Variants in VPS13B observed in about 807,000 individuals in gnomAD.
VPS13B encodes intermembrane lipid transfer protein VPS13B.
In VPS13B, 285 loss-of-function variants were observed where a neutral mutation model predicts 426.4. That is an observed-to-expected ratio of 0.67 (90% confidence interval 0.61 to 0.74). The LOEUF (loss-of-function observed/expected upper bound fraction) is 0.74, where lower values mean the gene tolerates loss of function less well. VPS13B is among the 30% of genes least tolerant of loss of function. VPS13B has a pLI of 0.00. For missense variants in VPS13B, 4,537 were observed against 4,782.6 expected (o/e 0.95, Z 1.51); for synonymous variants, 1,676 against 1,676.4 (o/e 1.00, Z 0.01).
At chr8:99,085,003 T>C (rs1845695205) in intron 3 of VPS13B, among the ~76,000 whole-genome samples, 2 of 48,330 alleles carry the variant, frequency 4.1e-5, no homozygotes, top group Admixed American at 2.5e-4. Flanking sequence ...AATTCCTGGA[T>C]ATCCTTGTTA....
In VPS13B at chr8:99,868,365, C is replaced by T. The variant is rs1318635834; in HGVS notation, c.11292C>T (p.His3764=). Residue 3764 remains histidine (H), a synonymous_variant, in exon 59 of 62, where the codon CAC becomes CAT. Coordinates refer to ENST00000357162, the MANE Select transcript of VPS13B (RefSeq NM_152564.5). ...KTSEAQASAG[H]KAKGVISGVG... The stretch of plus-strand genomic sequence containing the variant: ...CTGAGGCACAGGCTTCAGCAGGACA[C>T]AAGGCCAAGGGTGTCATCTCGGGTG... 1.2e-6 allele frequency: 2 copies of T among 1,613,990 alleles called. No homozygotes were observed. The highest frequency in any genetic ancestry group is 1.1e-5 in the South Asian group (1 of 91,068).
chr8:99,548,919 T>C (rs1057072351), intron 30 of VPS13B, among the ~76,000 whole-genome samples: 10 of 152,054 alleles, frequency 6.6e-5, no homozygotes, highest in Non-Finnish European at 4.4e-5. Context: ...AACTTGTAAA[T>C]TTTATACATA....
chr8:99,706,281 C>T (rs1285133829), intron 36 of VPS13B, among the ~76,000 whole-genome samples: 1 of 152,056 alleles, frequency 6.6e-6, no homozygotes, highest in Non-Finnish European at 1.5e-5. Context: ...TCCCAGCAGC[C>T]GGGGTAGCTG....
chr8:99,859,333 G>T lies in VPS13B; in HGVS notation c.10897G>T (p.Gly3633Cys), dbSNP rs759646091. The change falls in exon 57 of 62, where the codon GGC (glycine) becomes TGC (cysteine). Residue 3633 changes from glycine (G) to cysteine (C), a missense_variant. By Grantham distance (159) the Gly-to-Cys change is radical. Coordinates refer to ENST00000357162, the MANE Select transcript of VPS13B (RefSeq NM_152564.5). ...GWVVGSLDIL[G>C]SPASLVRSIG... ...GGTAGTTGGGTCTCTGGATATTCTT[G>T]GCAGCCCTGCAAGCCTGGTGAGAAG... 6.2e-7 allele frequency: 1 copy of T among 1,613,668 alleles called. No homozygotes were observed. The highest frequency in any genetic ancestry group is 1.3e-5 in the African/African-American group (1 of 74,872).
intron 39 of VPS13B, among the ~76,000 whole-genome samples, chr8:99,763,898 C>T (rs1423307153): frequency 6.6e-6 from 1 of 152,176 alleles, no homozygotes; most frequent in African/African-American, 2.4e-5. Flanking sequence ...CTTACAGCAT[C>T]TCATCATATA....
At chr8:99,262,945 T>A (rs1315160981) in intron 17 of VPS13B, among the ~76,000 whole-genome samples, 2 of 152,098 alleles carry the variant, frequency 1.3e-5, no homozygotes, top group East Asian at 1.9e-4. Context: ...GCTAATTTTT[T>A]ATTTTTTTTT....
intron 28 of VPS13B, chr8:99,507,711 T>C: frequency 5.0e-6 from 8 of 1,611,936 alleles, no homozygotes; most frequent in Non-Finnish European, 6.8e-6. Flanking sequence ...ATTTTTTTGC[T>C]TATGGCTTTT....
intron 25 of VPS13B, among the ~76,000 whole-genome samples, chr8:99,491,860 T>G (rs1463923486): frequency 6.6e-6 from 1 of 152,222 alleles, no homozygotes; most frequent in Non-Finnish European, 1.5e-5. Context: ...GAAGCCTACT[T>G]CTGTCAATTC....
At chr8:99,440,135 G>A (rs568923972) in intron 22 of VPS13B, among the ~76,000 whole-genome samples, 15 of 152,268 alleles carry the variant, frequency 9.9e-5, no homozygotes, top group African/African-American at 3.6e-4. Flanking sequence ...ATTGGCAAAA[G>A]AACACGTTGC....
At chr8:99,358,531 A>G (rs1025464966) in intron 19 of VPS13B, among the ~76,000 whole-genome samples, 1 of 152,224 alleles carries the variant, frequency 6.6e-6, no homozygotes, top group African/African-American at 2.4e-5. Flanking sequence ...GTCAACACAA[A>G]CCAAATATTT....
rs1227316936 is a variant in VPS13B at position 99,507,830 on chromosome 8, C to T, written c.4224+627C>T. 5 of 1,613,952 alleles carry T rather than the reference C, an allele frequency of 3.1e-6. No homozygotes were observed. Among genetic ancestry groups the T allele is most frequent in the Non-Finnish European group, 4.2e-6 (5 of 1,179,988 alleles). On this transcript the variant is annotated intron_variant, in intron 28 of 61. Coordinates refer to ENST00000357162, the MANE Select transcript of VPS13B (RefSeq NM_152564.5). ...GAGGTGTCTTCCTTTCCTGTACTGACAAGCTGAACAGACGCACCTTGTTGG... is the reference window on the plus strand; with the variant it reads ...GAGGTGTCTTCCTTTCCTGTACTGATAAGCTGAACAGACGCACCTTGTTGG...
rs1381350272 is a variant in VPS13B, at chr8:99,742,311, T to C, written c.7050+21264T>C. Among the ~76,000 whole-genome samples, 3 of 152,138 alleles carry C rather than the reference T, an allele frequency of 2.0e-5. No individual in the cohort carries two copies. In the East Asian group the frequency reaches 5.8e-4, roughly 29 times the overall value. On this transcript the variant is annotated intron_variant, in intron 39 of 61. Transcript: ENST00000357162. ...ATCTCTGAATAGACCAATAACAGGCTCTGAAATTGAGGCAATAATTAATAG... is the reference window on the plus strand; with the variant it reads ...ATCTCTGAATAGACCAATAACAGGCCCTGAAATTGAGGCAATAATTAATAG...
intron 36 of VPS13B, among the ~76,000 whole-genome samples, chr8:99,713,631 A>G (rs769320688): frequency 6.6e-6 from 1 of 152,222 alleles, no homozygotes; most frequent in African/African-American, 2.4e-5. Flanking sequence ...CTATACATAC[A>G]TATACTTCTT....
intron 40 of VPS13B, among the ~76,000 whole-genome samples, chr8:99,771,546 G>A (rs1811489886): frequency 6.6e-6 from 1 of 152,220 alleles, no homozygotes; most frequent in South Asian, 2.1e-4. Flanking sequence ...TCCACAGCCT[G>A]TGTATATATG....
rs1165382455 is a variant in VPS13B, at chr8:99,624,007, A to ATT, written c.5221-17780_5221-17779dup. On this transcript the variant is annotated intron_variant, in intron 33 of 61. Coordinates refer to ENST00000357162, the MANE Select transcript of VPS13B (RefSeq NM_152564.5). ...CTATGAAACATACATATATATATAT[A>ATT]TTTTTTTTTTTTTTTTTTTTTTTTT... is the stretch of plus-strand genomic sequence containing the variant. Among the ~76,000 whole-genome samples the ATT allele has an allele frequency of 9.9e-3, 1,004 of 101,166 alleles. 43 individuals carry two copies. Among genetic ancestry groups the ATT allele is most frequent in the African/African-American group, 0.018 (409 of 22,804 alleles). 66.4% of individuals were successfully genotyped at this position (101,166 alleles called of 152,430 possible).
chr8:99,190,017 A>G (rs1306893648), intron 16 of VPS13B, among the ~76,000 whole-genome samples: 3 of 152,092 alleles, frequency 2.0e-5, no homozygotes, highest in African/African-American at 7.2e-5. Flanking sequence ...TGTTTTATCA[A>G]TTCCTGAGAG....
At chr8:99,810,444 G>A (rs753959422) in intron 44 of VPS13B, among the ~76,000 whole-genome samples, 1 of 152,236 alleles carries the variant, frequency 6.6e-6, no homozygotes, top group Non-Finnish European at 1.5e-5. Flanking sequence ...GCATGCCAAG[G>A]AGGAATCAGG....
chr8:99,790,954 A>C (rs1177675342), intron 43 of VPS13B, among the ~76,000 whole-genome samples: 2 of 152,142 alleles, frequency 1.3e-5, no homozygotes, highest in Non-Finnish European at 2.9e-5. Flanking sequence ...CTGTGCTAAG[A>C]AGTTTTAATA....
chr8:99,859,828 CTCA>C (rs1403256858), intron 57 of VPS13B, among the ~76,000 whole-genome samples: 4 of 152,036 alleles, frequency 2.6e-5, no homozygotes, highest in East Asian at 3.8e-4. Context: ...ACTGTGTTGC[CTCA>C]TCATATTTTT....
Sources: allele counts gnomAD v4.1 joint callset (sites outside exome capture counted in the v4.1 genomes callset), GRCh38; gene constraint gnomAD v4.1.1; transcripts MANE v1.5; gene names NCBI Gene and HGNC (gene_info 2026-07-23, HGNC 2026-07-21).